PHF12: variants seen among roughly 807,000 people sequenced by gnomAD.
PHF12 encodes the protein PHD factor 1.
In PHF12, 6 loss-of-function variants were observed where a neutral mutation model predicts 99.8. The ratio of observed to expected loss-of-function variants is 0.06; its 90% CI spans 0.03 to 0.12. The LOEUF is 0.12. Ranked by LOEUF, PHF12 falls within the 10% of genes least tolerant of loss-of-function variation. The pLI is 1.00. For synonymous variants in PHF12, 480 were observed against 514.9 expected (o/e 0.93, Z 0.92); for missense variants, 954 against 1,300.1 (o/e 0.73, Z 4.09).
intron 2 of PHF12, among the ~76,000 whole-genome samples, chr17:28,939,469 C>T (rs1459054977): frequency 6.6e-6 from 1 of 152,192 alleles, no homozygotes; most frequent in Non-Finnish European, 1.5e-5. Flanking sequence ...TTGATGACTG[C>T]TAATTGAAAA....
At position 28,924,000 on chromosome 17, in the gene PHF12, C is replaced by T; in HGVS notation, c.624G>A (p.Arg208=). 1.2e-6 allele frequency: 2 copies of T among 1,614,114 alleles called. No homozygotes were observed. The highest frequency in any genetic ancestry group is 2.2e-5 in the East Asian group (1 of 44,872). ...CGGCAGCAATCAGCAGCTCAAAGGG[C>T]CGCCTCAGCTGGGGCTGCACATAGT... is the stretch of plus-strand genomic sequence containing the variant. The part of the protein sequence containing the change: ...EPDYVQPQLR[R]PFELLIAAAM... Residue 208 remains arginine (R), a synonymous_variant, in exon 4 of 15, where the codon CGG becomes CGA. Transcript: ENST00000332830.
At chr17:28,947,525 C>A (rs1411712562) in intron 2 of PHF12, among the ~76,000 whole-genome samples, 1 of 151,830 alleles carries the variant, frequency 6.6e-6, no homozygotes, top group African/African-American at 2.4e-5. Flanking sequence ...TTGCAATAAG[C>A]CGAGATTGCA....
Position 28,949,403 on chromosome 17 carries a change from G to T in PHF12, c.248+662C>A, listed in dbSNP as rs66701171. Among the ~76,000 whole-genome samples the T allele has an allele frequency of 0.15, 23,413 of 152,194 alleles. 2,002 individuals carry two copies. Among genetic ancestry groups the T allele is most frequent in the South Asian group, 0.25 (1,218 of 4,810 alleles). ...GGATCAAAGCGGCGAGATCCCAGAC[G>T]GGGCCCCCGAGGAGCTTCTGCAGAA... On this transcript the variant is annotated intron_variant, in intron 2 of 14. Coordinates refer to ENST00000332830, the MANE Select transcript of PHF12 (RefSeq NM_001033561.2). The surrounding 1 kb of genome is among the most constrained non-coding windows in gnomAD (Gnocchi z 4.6).
chr17:28,912,368 A>T (rs2039975091), intron 9 of PHF12, 114 bp downstream of exon 9: 1 of 1,438,464 alleles, frequency 7.0e-7, no homozygotes, highest in Non-Finnish European at 9.1e-7. Context: ...GACAAACAAT[A>T]CAAAGGCCAA....
At position 28,911,007 on chromosome 17, in the gene PHF12, G is replaced by A. The variant is rs935155481; in HGVS notation, c.2215+105C>T. On this transcript the variant is annotated intron_variant, in intron 10 of 14. Transcript: ENST00000332830. Reference sequence around the variant, plus strand: ...ATTCCCATCTCCCCCTAGGCCTCTGGGATCAGGTGTCCCTTCCCTCCCTTT... The same window carrying A: ...ATTCCCATCTCCCCCTAGGCCTCTGAGATCAGGTGTCCCTTCCCTCCCTTT... 9.9e-6 allele frequency: 15 copies of A among 1,515,824 alleles called. No homozygotes were observed. The Admixed American group carries it at 1.3e-4, about 13-fold the overall frequency. The allele number at this position is 1,515,824 out of a possible 1,614,324, so 93.9% of individuals were successfully genotyped here. A position where few individuals can be genotyped will look rare whatever the true frequency, so the allele number is the denominator to read the frequency against.
intron 7 of PHF12, among the ~76,000 whole-genome samples, chr17:28,915,282 A>G (rs974477803): frequency 2.0e-5 from 3 of 152,128 alleles, no homozygotes; most frequent in Admixed American, 6.5e-5. Context: ...TTGGTGACAA[A>G]ATCCTTATGG....
chr17:28,915,996 G>T (rs1464014241), intron 7 of PHF12, among the ~76,000 whole-genome samples: 1 of 152,186 alleles, frequency 6.6e-6, no homozygotes, highest in Admixed American at 6.5e-5. Context: ...ACACAGTCTG[G>T]ATTACTTTTA....
chr17:28,906,743 G>A lies in PHF12; in HGVS notation c.2680+113C>T. The A allele has an allele frequency of 6.9e-7, 1 of 1,449,142 alleles. No homozygotes were observed. Among genetic ancestry groups the A allele is most frequent in the South Asian group, 1.3e-5 (1 of 74,830 alleles). The allele number at this position is 1,449,142 out of a possible 1,614,324, so 89.8% of individuals were successfully genotyped here. ...TGGCCTGCCCTGGGCCCACGAGGAA[G>A]TAGAGCTTGGCCAATAGGACTGGGA... On this transcript the variant is annotated intron_variant, in intron 14 of 14. Coordinates refer to ENST00000332830, the MANE Select transcript of PHF12 (RefSeq NM_001033561.2). The surrounding 1 kb of genome is among the most constrained non-coding windows in gnomAD (Gnocchi z 4.2).
intron 6 of PHF12, 39 bp downstream of exon 6, chr17:28,919,104 T>G: frequency 6.3e-7 from 1 of 1,595,574 alleles, no homozygotes; most frequent in Non-Finnish European, 8.6e-7. Context: ...ACGCTCCAGC[T>G]ATGCCCATTG....
chr17:28,935,789 T>G (rs2040498907), intron 2 of PHF12, among the ~76,000 whole-genome samples: 1 of 152,206 alleles, frequency 6.6e-6, no homozygotes, highest in Non-Finnish European at 1.5e-5. Context: ...CTCTTCAGCA[T>G]GACTCCAACA....
At position 28,906,765 on chromosome 17, in the gene PHF12, G is replaced by A; in HGVS notation, c.2680+91C>T. Reference sequence around the variant, plus strand: ...GAAGTAGAGCTTGGCCAATAGGACTGGGAAGGCAAGAGACAGACCATGGGC... The same window carrying A: ...GAAGTAGAGCTTGGCCAATAGGACTAGGAAGGCAAGAGACAGACCATGGGC... On this transcript the variant is annotated intron_variant, in intron 14 of 14. Transcript: ENST00000332830. The surrounding 1 kb of genome is among the most constrained non-coding windows in gnomAD (Gnocchi z 4.2). 1.3e-6 allele frequency: 2 copies of A among 1,492,496 alleles called. No individual in the cohort carries two copies. Among genetic ancestry groups the A allele is most frequent in the South Asian group, 2.6e-5 (2 of 76,778 alleles). 92.5% of individuals were successfully genotyped at this position (1,492,496 alleles called of 1,614,324 possible).
At chr17:28,948,875 GAAC>G (rs1207406600) in intron 2 of PHF12, among the ~76,000 whole-genome samples, 2 of 152,160 alleles carry the variant, frequency 1.3e-5, no homozygotes, top group Non-Finnish European at 2.9e-5. Flanking sequence ...AACTGTTGCA[GAAC>G]AACAGAACGA....
At chr17:28,942,173 ACT>A (rs1394909707) in intron 2 of PHF12, among the ~76,000 whole-genome samples, 2 of 152,304 alleles carry the variant, frequency 1.3e-5, no homozygotes, top group East Asian at 3.9e-4. Flanking sequence ...CACGGAAGAA[ACT>A]CTTAATTTAC....
rs781211817 is a variant in PHF12, at chr17:28,906,496, T to C, written c.2702A>G (p.Gln901Arg). ...SVIRRRRHQK[Q>R]DEEPSEEAAM... Reference sequence around the variant, plus strand: ...TGCCTCCTCACTTGGCTCTTCGTCCTGTTTCTGGTGCCGGCGGCGCCCTGG... The same window carrying C: ...TGCCTCCTCACTTGGCTCTTCGTCCCGTTTCTGGTGCCGGCGGCGCCCTGG... The change falls in exon 15 of 15, where the codon CAG becomes CGG. Residue 901 changes from glutamine (Q) to arginine (R), a missense_variant. Coordinates refer to ENST00000332830, the MANE Select transcript of PHF12 (RefSeq NM_001033561.2). The surrounding 1 kb of genome is among the most constrained non-coding windows in gnomAD (Gnocchi z 4.2). 1.2e-6 allele frequency: 2 copies of C among 1,603,664 alleles called. No individual in the cohort carries two copies. The highest frequency in any genetic ancestry group is 1.3e-5 in the African/African-American group (1 of 74,720).
At chr17:28,924,679 G>C (rs1317126498) in intron 3 of PHF12, 3 of 308,098 alleles carry the variant, frequency 9.7e-6, no homozygotes, top group African/African-American at 6.7e-5. Context: ...GGGCAGGCAC[G>C]GTGGCTCACG....
At chr17:28,910,908 G>T in intron 10 of PHF12, 1 of 632,438 alleles carries the variant, frequency 1.6e-6, no homozygotes, top group Non-Finnish European at 2.6e-6. Flanking sequence ...ATGTGTATAT[G>T]CACATGTAGA....
intron 7 of PHF12, among the ~76,000 whole-genome samples, chr17:28,915,302 G>A (rs2040042236): frequency 6.6e-6 from 1 of 152,154 alleles, no homozygotes; most frequent in African/African-American, 2.4e-5. Context: ...GTAGACAAGG[G>A]AGAACTGAAA....
chr17:28,922,819 G>T (rs184076754), intron 4 of PHF12, among the ~76,000 whole-genome samples: 6 of 152,282 alleles, frequency 3.9e-5, no homozygotes, highest in Admixed American at 1.3e-4. Context: ...AGTGGCTCAT[G>T]CCTATAATCC....
chr17:28,944,025 T>C (rs1467579999), intron 2 of PHF12, among the ~76,000 whole-genome samples: 1 of 152,350 alleles, frequency 6.6e-6, no homozygotes, highest in East Asian at 1.9e-4. Context: ...AAAATACTCC[T>C]GGAGGCATAC....
Sources: gnomAD v4.1 joint callset for allele counts (sites outside exome capture counted in the v4.1 genomes callset) on GRCh38, gnomAD v4.1.1 for gene constraint, Gnocchi (gnomAD v3.1) non-coding constraint, MANE v1.5 for transcripts, NCBI Gene and HGNC (gene_info 2026-07-23, HGNC 2026-07-21) for gene names.